The following CHID1 variants were observed in gnomAD, a reference collection of about 807,000 sequenced individuals.
CHID1 encodes chitinase domain containing 1.
In CHID1, 44 loss-of-function variants were observed where a neutral mutation model predicts 55.4. That is an observed-to-expected ratio of 0.79 (90% CI 0.62 to 1.02). The LOEUF is 1.02. CHID1 is among the 50% of genes least tolerant of loss of function. The pLI is 0.00. For missense variants in CHID1, 491 were observed against 515.3 expected (o/e 0.95, Z 0.46); for synonymous variants, 216 against 212.9 (o/e 1.01, Z -0.13).
intron 7 of CHID1, among the ~76,000 whole-genome samples, chr11:893,967 C>T (rs1481354301): frequency 6.6e-6 from 1 of 151,926 alleles, no homozygotes; most frequent in Non-Finnish European, 1.5e-5. Context: ...ACTAAAAACA[C>T]AAAGATTAGC....
Position 900,097 on chromosome 11 carries a change from C to G in CHID1, c.453G>C (p.Leu151=), listed in dbSNP as rs750617966. ...AATCATCGTAAGTCCAGTCCTCAAACAGGAGCCGAGGCACTGCAGGGGCAA... is the reference window on the plus strand; with the variant it reads ...AATCATCGTAAGTCCAGTCCTCAAAGAGGAGCCGAGGCACTGCAGGGGCAA... ...AKGLHIVPRL[L]FEDWTYDDFR... The change falls in exon 6 of 13, where the codon CTG becomes CTC. Residue 151 remains leucine, a synonymous_variant. Transcript: ENST00000323578. The G allele has an allele frequency of 2.5e-6, 4 of 1,613,834 alleles. No homozygotes were observed. The South Asian group carries it at 3.3e-5, about 13-fold the overall frequency.
chr11:901,017 T>C (rs1323786005), intron 4 of CHID1, 37 bp from the exon 5 acceptor site: 2 of 1,563,704 alleles, frequency 1.3e-6, no homozygotes, highest in Non-Finnish European at 1.7e-6. Flanking sequence ...CACAGGCACG[T>C]GCGCCCAACT....
chr11:904,636 A>G, intron 2 of CHID1, 70 bp downstream of exon 2: 1 of 1,579,064 alleles, frequency 6.3e-7, no homozygotes, highest in Non-Finnish European at 8.7e-7. Flanking sequence ...GCCCCAGTGG[A>G]CAGAAAGAAG....
At chr11:882,999 G>A in intron 10 of CHID1, 149 bp downstream of exon 10, 1 of 857,300 alleles carries the variant, frequency 1.2e-6, no homozygotes, top group South Asian at 1.6e-5. Context: ...CACCAAGCAG[G>A]ACCGGCTCCT....
intron 10 of CHID1, among the ~76,000 whole-genome samples, chr11:872,958 G>A (rs948092240): frequency 6.6e-6 from 1 of 152,202 alleles, no homozygotes; most frequent in African/African-American, 2.4e-5. Context: ...TCCCACTCAG[G>A]AGCCCCAGCC....
chr11:898,287 G>A (rs1287234125), intron 7 of CHID1, among the ~76,000 whole-genome samples: 1 of 152,180 alleles, frequency 6.6e-6, no homozygotes, highest in Non-Finnish European at 1.5e-5. Context: ...GGCTGCTGCA[G>A]GGGACACCAT....
At chr11:893,541 G>T in intron 7 of CHID1, 22 bp from the exon 8 acceptor site, 2 of 1,531,604 alleles carry the variant, frequency 1.3e-6, no homozygotes, top group Middle Eastern at 1.8e-4. Flanking sequence ...GAGAGATGGG[G>T]TCAGCAGTGC....
At chr11:914,792 G>A, upstream of CHID1, 1 of 346,306 alleles carries the variant, frequency 2.9e-6, no homozygotes, top group South Asian at 2.2e-5. Context: ...TTGGGGCTGG[G>A]TTTGTGTCTT....
At chr11:870,302 C>G (rs906889701) in intron 11 of CHID1, 117 bp downstream of exon 11, 24 of 1,368,688 alleles carry the variant, frequency 1.8e-5, no homozygotes, top group African/African-American at 1.7e-4. Flanking sequence ...GGGCCGGGAG[C>G]AGCAAGTGAG....
At position 899,397 on chromosome 11, in the gene CHID1, T is replaced by C. The variant is rs1851634486; in HGVS notation, c.551A>G (p.Gln184Arg). The C allele has an allele frequency of 1.2e-6, 2 of 1,601,438 alleles. No individual in the cohort carries two copies. The highest frequency in any genetic ancestry group is 8.5e-7 in the Non-Finnish European group (1 of 1,173,910). The change falls in exon 7 of 13, where the codon CAG (glutamine) becomes CGG (arginine). Residue 184 changes from glutamine to arginine, a missense_variant. Gln to Arg is a conservative substitution (Grantham distance 43). Transcript: ENST00000323578. ...SKTVVQVAKN[Q>R]HFDGFVVEVW... Reference sequence around the variant, plus strand: ...CTCCACCACGAAGCCATCGAAATGCTGGTTCTGAAAGAAGCAGTCACAGGT... The same window carrying C: ...CTCCACCACGAAGCCATCGAAATGCCGGTTCTGAAAGAAGCAGTCACAGGT...
At chr11:901,706 G>T (rs200699495) in intron 4 of CHID1, among the ~76,000 whole-genome samples, 1 of 152,126 alleles carries the variant, frequency 6.6e-6, no homozygotes, top group African/African-American at 2.4e-5. Flanking sequence ...GCAAGGGAAG[G>T]CCACCCTCAC....
intron 8 of CHID1, among the ~76,000 whole-genome samples, chr11:888,124 C>T (rs754407041): frequency 1.7e-4 from 26 of 152,374 alleles, no homozygotes; most frequent in Non-Finnish European, 3.1e-4. Flanking sequence ...TCGGGGCTCA[C>T]GCAGCCACCC....
chr11:893,428 C>CG lies in CHID1; in HGVS notation c.699dup (p.Gly234ArgfsTer14), dbSNP rs1449013855. The CG allele has an allele frequency of 3.2e-6, 5 of 1,549,468 alleles. No individual in the cohort carries two copies. In the East Asian group the frequency reaches 7.3e-5, roughly 23 times the overall value. ...CCACATCTCAAGAGCGGCACTTACC[C>CG]GGGGGTGATGGCAGGCGGGATGACC... is the stretch of plus-strand genomic sequence containing the variant. On this transcript the variant is annotated frameshift_variant and splice_region_variant, in exon 8 of 13. Transcript: ENST00000323578. LOFTEE classifies it high-confidence loss of function.
intron 10 of CHID1, among the ~76,000 whole-genome samples, chr11:880,785 G>A (rs1041450103): frequency 2.0e-5 from 3 of 152,202 alleles, no homozygotes; most frequent in South Asian, 2.1e-4. Context: ...TCGTAAAGAC[G>A]ACAGCCGAGG....
At chr11:889,472 C>G (rs1589855697) in intron 8 of CHID1, among the ~76,000 whole-genome samples, 1 of 152,312 alleles carries the variant, frequency 6.6e-6, no homozygotes, top group East Asian at 1.9e-4. Context: ...CTTCCCTGCT[C>G]CTGCACTCCA....
chr11:884,963 G>C (rs1850280663), intron 8 of CHID1, among the ~76,000 whole-genome samples: 1 of 152,242 alleles, frequency 6.6e-6, no homozygotes, highest in African/African-American at 2.4e-5. Flanking sequence ...CTGGGTGCTG[G>C]CCTACGGCCC....
rs1851946835 is a variant in CHID1 at position 903,123 on chromosome 11, G to A, written c.112-12C>T. On this transcript the variant is annotated splice_polypyrimidine_tract_variant and intron_variant, in intron 2 of 12. Coordinates refer to ENST00000323578, the MANE Select transcript of CHID1 (RefSeq NM_023947.4). ...TCTGAAAACTGACTCTGAAATAAAA[G>A]GAGTGAGAGAAAAGCCTCAGTCATC... The A allele has an allele frequency of 6.2e-7, 1 of 1,605,478 alleles. No homozygotes were observed.
At chr11:910,152 C>T (rs894313994) in intron 1 of CHID1, among the ~76,000 whole-genome samples, 4 of 151,994 alleles carry the variant, frequency 2.6e-5, no homozygotes, top group African/African-American at 7.2e-5. Flanking sequence ...CCCAGGAAGT[C>T]GAGGCGGACG....
At position 900,246 on chromosome 11, in the gene CHID1, C is replaced by T. The variant is rs1423808323; in HGVS notation, c.440-136G>A. ...CAGACAGTGAGGGGCAGGGAGGCCACCTGGAGCACCCACATGTCCAGAGAG... is the reference window on the plus strand; with the variant it reads ...CAGACAGTGAGGGGCAGGGAGGCCATCTGGAGCACCCACATGTCCAGAGAG... On this transcript the variant is annotated intron_variant, in intron 5 of 12. Coordinates refer to ENST00000323578, the MANE Select transcript of CHID1 (RefSeq NM_023947.4). The T allele has an allele frequency of 6.1e-6, 4 of 655,028 alleles. No homozygotes were observed. In the Admixed American group the frequency reaches 9.4e-5, roughly 15 times the overall value. The allele number at this position is 655,028 out of a possible 1,614,324, so 40.6% of individuals were successfully genotyped here.
Sources: gnomAD v4.1 joint callset for allele counts (sites outside exome capture counted in the v4.1 genomes callset) on GRCh38, gnomAD v4.1.1 for gene constraint, MANE v1.5 for transcripts, NCBI Gene and HGNC (gene_info 2026-07-23, HGNC 2026-07-21) for gene names.